Variants in TTLL7 observed in about 807,000 individuals in gnomAD.
TTLL7 encodes the protein tubulin tyrosine ligase like 7, also known as tubulin polyglutamylase TTLL7.
A neutral mutation model predicts 120.2 loss-of-function variants in TTLL7; 53 were observed. That is an observed-to-expected ratio of 0.44 (90% CI 0.35 to 0.55). TTLL7 has a LOEUF of 0.55. TTLL7 is among the 20% of genes least tolerant of loss of function. The pLI, the probability that TTLL7 is intolerant of heterozygous loss-of-function variation, is 0.00. For missense variants in TTLL7, 803 were observed against 1,054.7 expected (o/e 0.76, Z 3.31); for synonymous variants, 353 against 351.7 (o/e 1.00, Z -0.04).
intron 13 of TTLL7, among the ~76,000 whole-genome samples, chr1:83,919,259 A>AGTGTGTGTGTGTGT (rs111745254): frequency 1.1e-4 from 16 of 147,052 alleles, no homozygotes; most frequent in Admixed American, 8.9e-4. Context: ...TACAGATTAG[A>AGTGTGTGTGTGTGT]GTGTGTGTGT....
chr1:83,948,608 T>C lies in TTLL7; in HGVS notation c.347+20A>G. Reference sequence around the variant, plus strand: ...TAAATTTTGAACAGGTCTTCTCCATTACAAGAAAATAAAGATTACTTGGTC... The same window carrying C: ...TAAATTTTGAACAGGTCTTCTCCATCACAAGAAAATAAAGATTACTTGGTC... On this transcript the variant is annotated intron_variant, in intron 5 of 20. Transcript: ENST00000260505. 6.4e-7 allele frequency: 1 copy of C among 1,555,206 alleles called. No homozygotes were observed. Among genetic ancestry groups the C allele is most frequent in the Non-Finnish European group, 8.9e-7 (1 of 1,127,880 alleles).
intron 13 of TTLL7, among the ~76,000 whole-genome samples, chr1:83,919,142 G>A (rs1324486): frequency 0.48 from 73,042 of 151,186 alleles, 18,480 homozygotes; most frequent in Non-Finnish European, 0.57. Context: ...AAAGACAAGC[G>A]GAAGAACCAC....
chr1:83,941,051 C>T (rs1647912869), intron 7 of TTLL7, among the ~76,000 whole-genome samples: 1 of 152,130 alleles, frequency 6.6e-6, no homozygotes, highest in African/African-American at 2.4e-5. Flanking sequence ...ACATGCCATA[C>T]TCTGTCTTAC....
chr1:83,881,221 A>C (rs1193395134), intron 20 of TTLL7, among the ~76,000 whole-genome samples: 1 of 151,836 alleles, frequency 6.6e-6, no homozygotes, highest in African/African-American at 2.4e-5. Flanking sequence ...CAATGGCAAA[A>C]AAAGCCAAAA....
In TTLL7 at chr1:83,904,178, A is replaced by T; in HGVS notation, c.2128-19T>A. On this transcript the variant is annotated intron_variant, in intron 17 of 20. Transcript: ENST00000260505. Reference sequence around the variant, plus strand: ...CAATGATCTGTTTGGAAGGAGGAACATTAAGAAATTTACAGGTTGAAACCC... The same window carrying T: ...CAATGATCTGTTTGGAAGGAGGAACTTTAAGAAATTTACAGGTTGAAACCC... 6.3e-7 allele frequency: 1 copy of T among 1,595,118 alleles called. No individual in the cohort carries two copies. Among genetic ancestry groups the T allele is most frequent in the Non-Finnish European group, 8.6e-7 (1 of 1,167,554 alleles).
intron 3 of TTLL7, 38 bp downstream of exon 3, chr1:83,951,807 A>G: frequency 6.3e-7 from 1 of 1,575,808 alleles, no homozygotes. Context: ...TTTTCCAGCA[A>G]TTATGAGAAT....
Position 83,876,040 on chromosome 1 carries a change from T to C in TTLL7, c.2544-5958A>G, listed in dbSNP as rs529677163. On this transcript the variant is annotated intron_variant, in intron 20 of 20. Transcript: ENST00000260505. Reference sequence around the variant, plus strand: ...CCTGTATTATCTTCTGAAATCTTTATGCAGTTTTACCTTTCACATCTACAT... The same window carrying C: ...CCTGTATTATCTTCTGAAATCTTTACGCAGTTTTACCTTTCACATCTACAT... Among the ~76,000 whole-genome samples the C allele has an allele frequency of 3.9e-5, 6 of 152,070 alleles. No individual in the cohort carries two copies. The South Asian group carries it at 1.2e-3, about 31-fold the overall frequency.
At position 83,951,955 on chromosome 1, in the gene TTLL7, A is replaced by C. The variant is rs1451419666; in HGVS notation, c.47T>G (p.Leu16Arg). 3.7e-6 allele frequency: 6 copies of C among 1,608,328 alleles called. No individual in the cohort carries two copies. In the Middle Eastern group the frequency reaches 6.6e-4, roughly 178 times the overall value. The change falls in exon 3 of 21, where the codon CTG (leucine) becomes CGG (arginine). Residue 16 changes from leucine to arginine, a missense_variant. This residue lies in a region of TTLL7 where 91 missense variants were observed against 96.6 expected (regional missense o/e 0.94). Coordinates refer to ENST00000260505, the MANE Select transcript of TTLL7 (RefSeq NM_024686.6). ...QEGVIQGPSP[L>R]DLNTELPYQS... ...ATAAGGTAATTCTGTATTCAAATCC[A>C]GGGGAGAGGGTCCCTGAATAACTTT...
At chr1:83,917,233 T>A (rs1658270585) in intron 14 of TTLL7, among the ~76,000 whole-genome samples, 1 of 152,100 alleles carries the variant, frequency 6.6e-6, no homozygotes, top group South Asian at 2.1e-4. Context: ...GGCTTCTAAT[T>A]AGGGTCTCTA....
chr1:83,919,870 G>C, intron 12 of TTLL7, 36 bp from the exon 13 acceptor site: 1 of 1,599,784 alleles, frequency 6.3e-7, no homozygotes, highest in Non-Finnish European at 8.5e-7. Flanking sequence ...TTTTTAAAAA[G>C]AAGCTGTCGT....
chr1:83,940,300 T>C (rs1031665564), intron 7 of TTLL7, among the ~76,000 whole-genome samples: 63 of 152,180 alleles, frequency 4.1e-4, no homozygotes, highest in African/African-American at 1.5e-3. Flanking sequence ...ACTCCCACCT[T>C]ACATATATAT....
intron 10 of TTLL7, among the ~76,000 whole-genome samples, chr1:83,927,272 A>G (rs1320535957): frequency 6.6e-6 from 1 of 152,204 alleles, no homozygotes; most frequent in East Asian, 1.9e-4. Flanking sequence ...CTTAAATCTA[A>G]TTGAAAAGAA....
intron 19 of TTLL7, among the ~76,000 whole-genome samples, chr1:83,888,384 A>C (rs1235506073): frequency 6.6e-6 from 1 of 151,946 alleles, no homozygotes; most frequent in Non-Finnish European, 1.5e-5. Context: ...ATTTCAACAC[A>C]CCCAGAGCGC....
intron 1 of TTLL7, among the ~76,000 whole-genome samples, chr1:83,970,082 G>C (rs1188288648): frequency 2.0e-5 from 3 of 151,854 alleles, no homozygotes; most frequent in Admixed American, 2.0e-4. Flanking sequence ...TCATACACCA[G>C]GATAAATTTT....
At chr1:83,958,696 A>C (rs1320692623) in intron 1 of TTLL7, among the ~76,000 whole-genome samples, 1 of 152,232 alleles carries the variant, frequency 6.6e-6, no homozygotes, top group Non-Finnish European at 1.5e-5. Context: ...GAAAGAGAAT[A>C]AAAGTAAATG....
intron 1 of TTLL7, among the ~76,000 whole-genome samples, chr1:83,972,773 C>T (rs1456011346): frequency 2.0e-5 from 3 of 152,180 alleles, no homozygotes; most frequent in Non-Finnish European, 2.9e-5. Context: ...CATTCCAAGA[C>T]GTACGTAGTG....
At chr1:83,982,057 A>T (rs1652017278) in intron 1 of TTLL7, among the ~76,000 whole-genome samples, 1 of 152,214 alleles carries the variant, frequency 6.6e-6, no homozygotes, top group East Asian at 1.9e-4. Context: ...ATGTCTTAGC[A>T]TATTTAAAAG....
intron 19 of TTLL7, chr1:83,889,869 G>A (rs1414888152): frequency 2.2e-6 from 1 of 456,038 alleles, no homozygotes; most frequent in Admixed American, 2.4e-5. Context: ...TTGTATGACT[G>A]AGAGAATAAT....
intron 20 of TTLL7, among the ~76,000 whole-genome samples, chr1:83,880,978 T>C (rs1397966707): frequency 6.6e-6 from 1 of 151,654 alleles, no homozygotes; most frequent in African/African-American, 2.4e-5. Context: ...CTGAGAAAAA[T>C]AAGCAATGGG....
Sources: gnomAD v4.1 joint callset for allele counts (sites outside exome capture counted in the v4.1 genomes callset) on GRCh38, gnomAD v4.1.1 for gene constraint, gnomAD v4.1.1 regional missense constraint, MANE v1.5 for transcripts, NCBI Gene and HGNC (gene_info 2026-07-23, HGNC 2026-07-21) for gene names.